The following CLASP1 variants were observed in gnomAD, a reference collection of about 807,000 sequenced individuals.
CLASP1 encodes the protein CLIP-associating protein 1.
CLASP1 carries 38 observed loss-of-function variants against 192.3 expected under a neutral mutation model. The ratio of observed to expected loss-of-function variants is 0.20; its 90% CI spans 0.15 to 0.26. The LOEUF (loss-of-function observed/expected upper bound fraction) is 0.26, where lower values mean the gene tolerates loss of function less well. Ranked by LOEUF, CLASP1 falls within the 10% of genes least tolerant of loss-of-function variation. CLASP1 has a pLI of 1.00. For missense variants in CLASP1, 1,433 were observed against 1,932.5 expected (o/e 0.74, Z 4.85); for synonymous variants, 691 against 712.8 (o/e 0.97, Z 0.49).
At chr2:121,648,091 C>T (rs1379463197) in intron 1 of CLASP1, among the ~76,000 whole-genome samples, 2 of 152,222 alleles carry the variant, frequency 1.3e-5, no homozygotes, top group Non-Finnish European at 2.9e-5. Flanking sequence ...TACTTTTTAT[C>T]TATATGGTCG....
At chr2:121,474,942 A>G (rs1036503548) in intron 8 of CLASP1, among the ~76,000 whole-genome samples, 2 of 152,206 alleles carry the variant, frequency 1.3e-5, no homozygotes, top group African/African-American at 4.8e-5. Flanking sequence ...AGTAATGTTA[A>G]TAAGTGAGCT....
In CLASP1 at chr2:121,348,490, C is replaced by A. The variant is rs372211609; in HGVS notation, c.4413+22G>T. 3.8e-6 allele frequency: 6 copies of A among 1,588,426 alleles called. No homozygotes were observed. The African/African-American group carries it at 8.1e-5, about 21-fold the overall frequency. On this transcript the variant is annotated intron_variant, in intron 38 of 39. Transcript: ENST00000263710. ...CAACCCCACACAGGCCGGGGGCAGGCCCCACCAACACGAGGGCCTACCTGC... is the reference window on the plus strand; with the variant it reads ...CAACCCCACACAGGCCGGGGGCAGGACCCACCAACACGAGGGCCTACCTGC...
chr2:121,549,047 C>T (rs886190129), intron 2 of CLASP1, among the ~76,000 whole-genome samples: 6 of 152,138 alleles, frequency 3.9e-5, no homozygotes, highest in African/African-American at 7.2e-5. Flanking sequence ...GCATAATAAC[C>T]AGCTAAGAAC....
intron 7 of CLASP1, among the ~76,000 whole-genome samples, chr2:121,507,792 G>A (rs982106840): frequency 2.6e-5 from 4 of 152,166 alleles, no homozygotes; most frequent in African/African-American, 9.6e-5. Context: ...CACTCATTGT[G>A]CACAAGGGAT....
At chr2:121,410,875 A>C (rs1464475883) in exon 24 of CLASP1, 1 of 1,605,344 alleles carries the variant, frequency 6.2e-7, no homozygotes, top group Non-Finnish European at 8.5e-7. Context: ...CCAAAGCATC[A>C]GCAACAGCAG....
At chr2:121,525,684 G>A (rs968441039) in intron 6 of CLASP1, among the ~76,000 whole-genome samples, 161 bp downstream of exon 6, 3 of 152,118 alleles carry the variant, frequency 2.0e-5, no homozygotes, top group African/African-American at 7.2e-5. Flanking sequence ...ACATTTGAAT[G>A]TATAAATATT....
chr2:121,482,156 G>C (rs1228591205), intron 8 of CLASP1, among the ~76,000 whole-genome samples: 1 of 152,172 alleles, frequency 6.6e-6, no homozygotes, highest in African/African-American at 2.4e-5. Flanking sequence ...CATGCTCAGT[G>C]AATATACAGC....
chr2:121,454,210 G>A (rs1051196743), intron 14 of CLASP1, among the ~76,000 whole-genome samples: 9 of 139,554 alleles, frequency 6.4e-5, no homozygotes, highest in African/African-American at 7.9e-5. Context: ...TGGTTATTTA[G>A]AGATGGGACC....
chr2:121,468,904 G>C (rs973320156), intron 9 of CLASP1, among the ~76,000 whole-genome samples: 2 of 152,144 alleles, frequency 1.3e-5, no homozygotes, highest in African/African-American at 4.8e-5. Flanking sequence ...GAGAGGGGTT[G>C]CGGTCATCTG....
chr2:121,340,050 CTTT>C (rs1184542788), exon 40 of CLASP1: 1 of 152,230 alleles, frequency 6.6e-6, no homozygotes, highest in African/African-American at 2.4e-5. Context: ...AAGACTTCTT[CTTT>C]ATCTTCTGTG....
chr2:121,559,988 C>T (rs746911427), intron 2 of CLASP1, among the ~76,000 whole-genome samples: 13 of 151,938 alleles, frequency 8.6e-5, no homozygotes, highest in Non-Finnish European at 1.5e-4. Flanking sequence ...CTGATGAAAT[C>T]CAAATAAAAC....
At chr2:121,621,709 G>A (rs756248839) in intron 1 of CLASP1, among the ~76,000 whole-genome samples, 4 of 152,030 alleles carry the variant, frequency 2.6e-5, no homozygotes, top group Non-Finnish European at 5.9e-5. Context: ...CTCAATTATT[G>A]TAACTTTGTA....
At chr2:121,353,243 A>AG in intron 37 of CLASP1, among the ~76,000 whole-genome samples, 1 of 152,266 alleles carries the variant, frequency 6.6e-6, no homozygotes, top group Middle Eastern at 3.4e-3. Flanking sequence ...CACCACCAGA[A>AG]GGCACAGCAG....
Position 121,592,217 on chromosome 2 carries a change from C to T in CLASP1, c.195+13484G>A, listed in dbSNP as rs78912470. On this transcript the variant is annotated intron_variant, in intron 2 of 39. Transcript: ENST00000263710. The stretch of plus-strand genomic sequence containing the variant: ...TTGCTTTTCTTCCCCTCCCACAAAG[C>T]GTCCTTTAATATCCTGCTAACTCCA... Among the ~76,000 whole-genome samples, 1,217 of 152,284 alleles carry T rather than the reference C, an allele frequency of 8.0e-3. 16 individuals are homozygous for T. Among genetic ancestry groups the T allele is most frequent in the African/African-American group, 0.027 (1,138 of 41,550 alleles).
At chr2:121,643,393 C>A (rs557217908) in intron 1 of CLASP1, among the ~76,000 whole-genome samples, 41 of 152,200 alleles carry the variant, frequency 2.7e-4, no homozygotes, top group Non-Finnish European at 5.4e-4. Context: ...GCATGGTTCA[C>A]GTGAAAAGGA....
intron 2 of CLASP1, among the ~76,000 whole-genome samples, chr2:121,604,871 C>T (rs1414744560): frequency 2.0e-5 from 3 of 152,160 alleles, no homozygotes; most frequent in Non-Finnish European, 2.9e-5. Context: ...CCTTTAACAA[C>T]GTCTATAGCA....
At chr2:121,538,425 T>A (rs889778460) in intron 2 of CLASP1, among the ~76,000 whole-genome samples, 24 of 149,416 alleles carry the variant, frequency 1.6e-4, no homozygotes, top group South Asian at 1.5e-3. Flanking sequence ...AAAATTTTTT[T>A]AAAAAAAGTA....
intron 38 of CLASP1, among the ~76,000 whole-genome samples, chr2:121,348,173 C>G (rs2063715822): frequency 6.6e-6 from 1 of 152,150 alleles, no homozygotes. Context: ...TTGATTTACA[C>G]TCCATGGTCC....
In CLASP1 at chr2:121,341,527, T is replaced by A. The variant is rs567529934; in HGVS notation, c.4531-580A>T. On this transcript the variant is annotated intron_variant, in intron 39 of 39. Coordinates refer to ENST00000263710, the Ensembl canonical transcript of CLASP1. ...TGGATAAACATGTGATCCAATTATATGCTGTCTATAAGAAATTCACTTTAG... is the reference window on the plus strand; with the variant it reads ...TGGATAAACATGTGATCCAATTATAAGCTGTCTATAAGAAATTCACTTTAG... Among the ~76,000 whole-genome samples, 71 of 152,354 alleles carry A rather than the reference T, an allele frequency of 4.7e-4. 2 individuals are homozygous for A. The South Asian group carries it at 0.012, about 26-fold the overall frequency.
Sources: gnomAD v4.1 joint callset for allele counts (sites outside exome capture counted in the v4.1 genomes callset) on GRCh38, gnomAD v4.1.1 for gene constraint, MANE v1.5 for transcripts, NCBI Gene and HGNC (gene_info 2026-07-23, HGNC 2026-07-21) for gene names.